Variants in SLIT2 observed in about 807,000 individuals in gnomAD.
The protein encoded by SLIT2 is slit guidance ligand 2.
In SLIT2, 41 loss-of-function variants were observed where a neutral mutation model predicts 185.7. The ratio of observed to expected loss-of-function variants is 0.22; its 90% CI spans 0.17 to 0.29. The LOEUF (loss-of-function observed/expected upper bound fraction) is 0.29, where lower values mean the gene tolerates loss of function less well. Among genes scored for constraint, SLIT2 ranks in the 10% least tolerant of loss-of-function variants. The pLI is 1.00. For missense variants in SLIT2, 1,571 were observed against 1,909.0 expected (o/e 0.82, Z 3.30); for synonymous variants, 693 against 680.2 (o/e 1.02, Z -0.29).
intron 33 of SLIT2, among the ~76,000 whole-genome samples, chr4:20,600,964 G>C (rs1265180713): frequency 6.6e-6 from 1 of 151,008 alleles, no homozygotes; most frequent in African/African-American, 2.4e-5. Context: ...TAAGAAAAAA[G>C]GAAGAAAGAA....
chr4:20,383,007 T>A (rs1406406039), intron 4 of SLIT2, among the ~76,000 whole-genome samples: 2 of 152,140 alleles, frequency 1.3e-5, no homozygotes, highest in African/African-American at 4.8e-5. Flanking sequence ...ACCACATACA[T>A]GGTTAGTCAA....
intron 24 of SLIT2, among the ~76,000 whole-genome samples, chr4:20,549,563 C>A (rs1481755057): frequency 6.6e-6 from 1 of 151,902 alleles, no homozygotes; most frequent in Non-Finnish European, 1.5e-5. Context: ...TCAGAATTTA[C>A]AGTTTGATGT....
At chr4:20,424,754 C>T (rs1187337491) in intron 4 of SLIT2, among the ~76,000 whole-genome samples, 2 of 151,876 alleles carry the variant, frequency 1.3e-5, no homozygotes, top group East Asian at 1.9e-4. Context: ...TGTGAGAGGC[C>T]CCCCTGCTTT....
intron 4 of SLIT2, among the ~76,000 whole-genome samples, chr4:20,445,216 T>A (rs1198338586): frequency 6.6e-6 from 1 of 152,252 alleles, no homozygotes. Flanking sequence ...TCTACTTCAG[T>A]AATTGAATGT....
At chr4:20,498,044 G>C (rs1218407320) in intron 9 of SLIT2, among the ~76,000 whole-genome samples, 1 of 152,080 alleles carries the variant, frequency 6.6e-6, no homozygotes, top group African/African-American at 2.4e-5. Flanking sequence ...GTGGCAGTGC[G>C]TGCCTGTAGT....
chr4:20,325,150 T>A (rs1719453784), intron 4 of SLIT2, among the ~76,000 whole-genome samples: 1 of 151,906 alleles, frequency 6.6e-6, no homozygotes, highest in East Asian at 1.9e-4. Flanking sequence ...TCTGCTTTTT[T>A]CTACCCTCAT....
intron 4 of SLIT2, among the ~76,000 whole-genome samples, chr4:20,342,511 A>T (rs986584937): frequency 6.6e-6 from 1 of 152,072 alleles, no homozygotes; most frequent in African/African-American, 2.4e-5. Flanking sequence ...GACTCACGCT[A>T]TTTCTAAATC....
At chr4:20,450,271 G>T (rs1269549032) in intron 4 of SLIT2, among the ~76,000 whole-genome samples, 1 of 152,198 alleles carries the variant, frequency 6.6e-6, no homozygotes, top group Non-Finnish European at 1.5e-5. Flanking sequence ...ACAAGAATGA[G>T]TATTAAATCC....
At chr4:20,585,986 A>G (rs1042464805) in intron 29 of SLIT2, among the ~76,000 whole-genome samples, 24 of 152,164 alleles carry the variant, frequency 1.6e-4, no homozygotes, top group Non-Finnish European at 3.1e-4. Flanking sequence ...TTTTATCTCT[A>G]TTCTTCCTGG....
Position 20,254,378 on chromosome 4 carries a change from G to T in SLIT2, c.179+384G>T, listed in dbSNP as rs1316145163. ...GTCACCTTGCGATTGCCAGCATCCA[G>T]GTCGGTTTCAGAGCCCAGTCCTCGC... On this transcript the variant is annotated intron_variant, in intron 1 of 36. Coordinates refer to ENST00000504154, the MANE Select transcript of SLIT2 (RefSeq NM_004787.4). The surrounding 1 kb of genome is among the most constrained non-coding windows in gnomAD (Gnocchi z 5.1). 6.6e-6 allele frequency among the ~76,000 whole-genome samples: 1 copy of T among 152,216 alleles called. No individual in the cohort carries two copies. The highest frequency in any genetic ancestry group is 1.5e-5 in the Non-Finnish European group (1 of 68,038).
chr4:20,440,323 C>T (rs1729653372), intron 4 of SLIT2, among the ~76,000 whole-genome samples: 1 of 152,092 alleles, frequency 6.6e-6, no homozygotes, highest in Non-Finnish European at 1.5e-5. Flanking sequence ...TACATCTGGG[C>T]TTGGCAGGGA....
rs917693837 is a variant in SLIT2 at position 20,463,732 on chromosome 4, C to T, written c.396-4020C>T. On this transcript the variant is annotated intron_variant, in intron 4 of 36. Transcript: ENST00000504154. ...TACTAAAAATACAAAAAAAATTAGC[C>T]GGGCTTGGTGGCGGGTGCCTGTAGT... Among the ~76,000 whole-genome samples the T allele has an allele frequency of 6.0e-5, 9 of 150,646 alleles. No homozygotes were observed. The East Asian group carries it at 7.9e-4, about 13-fold the overall frequency.
chr4:20,354,904 T>TGA (rs1227961659), intron 4 of SLIT2, among the ~76,000 whole-genome samples: 206 of 63,330 alleles, frequency 3.3e-3, no homozygotes, highest in African/African-American at 6.8e-3. Context: ...TGTGTGTGTG[T>TGA]GTGAGAGAGA....
chr4:20,518,255 ATT>A lies in SLIT2; in HGVS notation c.1059-1113_1059-1112del, dbSNP rs1260071971. On this transcript the variant is annotated intron_variant, in intron 11 of 36. Coordinates refer to ENST00000504154, the MANE Select transcript of SLIT2 (RefSeq NM_004787.4). ...TGTGTGTGTGTATATATATATATATATTTTTTTTTTTTTTTGAGACAGAGTCT... is the reference window on the plus strand; with the variant it reads ...TGTGTGTGTGTATATATATATATATATTTTTTTTTTTTTGAGACAGAGTCT... Among the ~76,000 whole-genome samples, 127 of 87,484 alleles carry A rather than the reference ATT, an allele frequency of 1.5e-3. 2 individuals carry two copies. Among genetic ancestry groups the A allele is most frequent in the African/African-American group, 2.9e-3 (72 of 24,798 alleles). 57.4% of individuals were successfully genotyped at this position (87,484 alleles called of 152,430 possible).
intron 26 of SLIT2, among the ~76,000 whole-genome samples, chr4:20,559,876 T>C (rs979941385): frequency 1.3e-5 from 2 of 151,926 alleles, no homozygotes; most frequent in South Asian, 4.1e-4. Flanking sequence ...CACCCTATTA[T>C]TGAAACATAC....
chr4:20,491,616 TTTTA>T, intron 8 of SLIT2, 141 bp from the exon 9 acceptor site: 1 of 602,754 alleles, frequency 1.7e-6, no homozygotes, highest in Middle Eastern at 4.2e-4. Context: ...CTAAAATATA[TTTTA>T]GAAATATAGG....
intron 4 of SLIT2, among the ~76,000 whole-genome samples, chr4:20,405,969 T>C (rs996163633): frequency 9.3e-6 from 1 of 107,626 alleles, no homozygotes; most frequent in Non-Finnish European, 2.2e-5. Flanking sequence ...AGTTGGGCAC[T>C]GTGACTGGAT....
intron 4 of SLIT2, among the ~76,000 whole-genome samples, chr4:20,333,781 T>C (rs1401573031): frequency 6.6e-6 from 1 of 152,168 alleles, no homozygotes; most frequent in Non-Finnish European, 1.5e-5. Flanking sequence ...AAGGATACGA[T>C]GTTGTATTGC....
Position 20,434,190 on chromosome 4 carries a change from C to T in SLIT2, c.396-33562C>T, listed in dbSNP as rs1047339719. Among the ~76,000 whole-genome samples, 14 of 151,962 alleles carry T rather than the reference C, an allele frequency of 9.2e-5. 1 individual carries two copies. The highest frequency in any genetic ancestry group is 5.9e-4 in the Admixed American group (9 of 15,226). ...GCAGGGAGTGGGAAGAAGTGAAATA[C>T]GAAAATGGGGAAGGAGGCTGGGCGT... On this transcript the variant is annotated intron_variant, in intron 4 of 36. Coordinates refer to ENST00000504154, the MANE Select transcript of SLIT2 (RefSeq NM_004787.4).
Sources: allele counts gnomAD v4.1 joint callset (sites outside exome capture counted in the v4.1 genomes callset), GRCh38; gene constraint gnomAD v4.1.1; non-coding constraint Gnocchi (gnomAD v3.1); transcripts MANE v1.5; gene names NCBI Gene and HGNC (gene_info 2026-07-23, HGNC 2026-07-21).